The following IFT27 variants were observed in gnomAD, a reference collection of about 807,000 sequenced individuals.
IFT27 encodes intraflagellar transport 27.
In IFT27, 19 loss-of-function variants were observed where a neutral mutation model predicts 23.9. The ratio of observed to expected loss-of-function variants is 0.79; its 90% CI spans 0.55 to 1.16. The LOEUF is 1.16. Ranked by LOEUF, IFT27 falls within the 50% of genes most tolerant of loss-of-function variation. The pLI, the probability that IFT27 is intolerant of heterozygous loss-of-function variation, is 0.00. For synonymous variants in IFT27, 91 were observed against 89.1 expected (o/e 1.02, Z -0.12); for missense variants, 206 against 228.7 (o/e 0.90, Z 0.64).
At chr22:36,759,979 T>C (rs144484616) in intron 6 of IFT27, 3 of 152,322 alleles carry the variant, frequency 2.0e-5, no homozygotes, top group African/African-American at 7.2e-5. Flanking sequence ...AAGAAAACAG[T>C]TGGCCAAGAG....
At chr22:36,759,243 C>T (rs896050365) in intron 6 of IFT27, 1 of 152,282 alleles carries the variant, frequency 6.6e-6, no homozygotes, top group Non-Finnish European at 1.5e-5. Context: ...AGCAAACACG[C>T]TGCACTCCTG....
intron 4 of IFT27, among the ~76,000 whole-genome samples, chr22:36,765,595 G>A (rs963542490): frequency 6.6e-6 from 1 of 152,190 alleles, no homozygotes; most frequent in Non-Finnish European, 1.5e-5. Context: ...TTAGCTCACT[G>A]GCCCAGATTA....
chr22:36,772,409 T>G, intron 1 of IFT27: 1 of 710,784 alleles, frequency 1.4e-6, no homozygotes, highest in Non-Finnish European at 1.7e-6. Context: ...CACAGAATTG[T>G]TATGAGGATT....
intron 6 of IFT27, chr22:36,762,050 C>T (rs1374394617): frequency 6.6e-6 from 1 of 152,184 alleles, no homozygotes; most frequent in Non-Finnish European, 1.5e-5. Context: ...AACCAACACT[C>T]GGGCCCCTGC....
At chr22:36,772,631 C>G in intron 1 of IFT27, 13 of 985,494 alleles carry the variant, frequency 1.3e-5, no homozygotes, top group Non-Finnish European at 1.6e-5. Flanking sequence ...TCACACGCAT[C>G]TTAGTTCTTC....
intron 1 of IFT27, 24 bp downstream of exon 1, chr22:36,775,650 T>C (rs202199880): frequency 2.5e-6 from 4 of 1,613,910 alleles, no homozygotes; most frequent in Admixed American, 3.3e-5. Flanking sequence ...ACCACCGTAT[T>C]CAAGCGCAAG....
chr22:36,766,150 C>T lies in IFT27; in HGVS notation c.222G>A (p.Met74Ile). 6.2e-7 allele frequency: 1 copy of T among 1,614,176 alleles called. No individual in the cohort carries two copies. Among genetic ancestry groups the T allele is most frequent in the Non-Finnish European group, 8.5e-7 (1 of 1,179,976 alleles). The stretch of plus-strand genomic sequence containing the variant: ...ACGTGCTACTTGCCAATTTATCCAG[C>T]ATTTCCGAAAACAGCTCCTTGCCAG... ...DSAGKELFSE[M>I]LDKLWESPNV... The change falls in exon 4 of 7, where the codon ATG (methionine) becomes ATA (isoleucine). Residue 74 changes from methionine (M) to isoleucine (I), a missense_variant. Met to Ile is a conservative substitution (Grantham distance 10). Transcript: ENST00000433985.
chr22:36,759,929 G>C (rs1938035898), intron 6 of IFT27: 2 of 152,264 alleles, frequency 1.3e-5, no homozygotes, highest in African/African-American at 2.4e-5. Context: ...GTCCCGTGGA[G>C]AAAGTTACCT....
At chr22:36,771,910 T>C (rs1466449355) in intron 1 of IFT27, among the ~76,000 whole-genome samples, 1 of 152,118 alleles carries the variant, frequency 6.6e-6, no homozygotes, top group African/African-American at 2.4e-5. Flanking sequence ...GATTCCTTCA[T>C]AGCCTACCCA....
intron 1 of IFT27, among the ~76,000 whole-genome samples, chr22:36,769,778 C>T (rs1938350674): frequency 6.6e-6 from 1 of 152,174 alleles, no homozygotes; most frequent in Non-Finnish European, 1.5e-5. Flanking sequence ...CTTCCTTGGG[C>T]CCTGACTGCA....
intron 6 of IFT27, chr22:36,761,432 A>G (rs1470233641): frequency 6.6e-6 from 1 of 152,212 alleles, no homozygotes; most frequent in Non-Finnish European, 1.5e-5. Context: ...AGCATTTGTG[A>G]TAATTGGACC....
At chr22:36,767,453 G>A in intron 2 of IFT27, 88 bp from the exon 3 acceptor site, 2 of 1,173,768 alleles carry the variant, frequency 1.7e-6, no homozygotes, top group Non-Finnish European at 2.5e-6. Context: ...CCGATCCCAG[G>A]AGGGCTATCT....
At chr22:36,764,063 G>C in intron 4 of IFT27, 27 bp from the exon 5 acceptor site, 1 of 1,515,264 alleles carries the variant, frequency 6.6e-7, no homozygotes, top group Non-Finnish European at 9.2e-7. Flanking sequence ...GGATGAGTAT[G>C]GGTCAGTAAC....
intron 1 of IFT27, chr22:36,772,864 GGGGT>G: frequency 1.2e-6 from 1 of 828,932 alleles, no homozygotes; most frequent in Non-Finnish European, 1.5e-6. Context: ...GTGTGTGGTG[GGGGT>G]GGGTGGACAG....
At chr22:36,768,415 A>G in intron 1 of IFT27, 1 of 275,948 alleles carries the variant, frequency 3.6e-6, no homozygotes, top group Non-Finnish European at 7.2e-6. Context: ...TCCAAATGCT[A>G]TGCTCCATCT....
At chr22:36,763,081 G>T in intron 5 of IFT27, 68 bp from the exon 6 acceptor site, 1 of 1,174,996 alleles carries the variant, frequency 8.5e-7, no homozygotes, top group Non-Finnish European at 1.2e-6. Flanking sequence ...CGGGCGAGAT[G>T]AGAGCACTAT....
chr22:36,759,386 A>G (rs1485497759), intron 6 of IFT27: 1 of 152,226 alleles, frequency 6.6e-6, no homozygotes, highest in Non-Finnish European at 1.5e-5. Context: ...AAAGGAGCCC[A>G]AAAGAATTTT....
At chr22:36,766,595 CT>C (rs1376367685) in intron 3 of IFT27, 5 of 268,654 alleles carry the variant, frequency 1.9e-5, no homozygotes, top group Non-Finnish European at 3.7e-5. Context: ...TAGAACAATT[CT>C]TTCTAAAGGA....
intron 3 of IFT27, chr22:36,766,959 G>A: frequency 5.8e-6 from 1 of 171,432 alleles, no homozygotes; most frequent in Non-Finnish European, 1.2e-5. Flanking sequence ...ACCTCTTTAG[G>A]AATCTGGTGA....
Sources: gnomAD v4.1 joint callset for allele counts (sites outside exome capture counted in the v4.1 genomes callset) on GRCh38, gnomAD v4.1.1 for gene constraint, MANE v1.5 for transcripts, NCBI Gene and HGNC (gene_info 2026-07-23, HGNC 2026-07-21) for gene names.